PTPN14: variants seen among roughly 807,000 people sequenced by gnomAD.
PTPN14 encodes tyrosine-protein phosphatase non-receptor type 14.
In PTPN14, 53 loss-of-function variants were observed where a neutral mutation model predicts 126.8. The observed-to-expected ratio is 0.42, with a 90% confidence interval of 0.34 to 0.53. The LOEUF is 0.53. PTPN14 is among the 20% of genes least tolerant of loss of function. The pLI is 0.08. For synonymous variants in PTPN14, 630 were observed against 599.3 expected, an observed-to-expected ratio of 1.05 and a Z score of -0.75; for missense variants, 1,257 against 1,552.9, an observed-to-expected ratio of 0.81 and a Z score of 3.20.
At chr1:214,419,474 T>C (rs545254919) in intron 3 of PTPN14, among the ~76,000 whole-genome samples, 35 of 152,220 alleles carry the variant, frequency 2.3e-4, no homozygotes, top group Non-Finnish European at 3.8e-4. Context: ...GAAAGACAAA[T>C]TGTCCTGTCA....
At chr1:214,421,675 T>C (rs1357408706) in intron 3 of PTPN14, among the ~76,000 whole-genome samples, 1 of 152,068 alleles carries the variant, frequency 6.6e-6, no homozygotes, top group Non-Finnish European at 1.5e-5. Flanking sequence ...CTCTTCACGA[T>C]CCAGTCAAAA....
rs1355504973 is a variant in PTPN14 at position 214,495,822 on chromosome 1, G to A, written c.-154-30865C>T. ...CGATGCTCCTGCCTCAGCCTCCCGAGTAGCTGGGATTACAGGCACACGCCA... is the reference window on the plus strand; with the variant it reads ...CGATGCTCCTGCCTCAGCCTCCCGAATAGCTGGGATTACAGGCACACGCCA... On this transcript the variant is annotated intron_variant, in intron 1 of 18. Coordinates refer to ENST00000366956, the MANE Select transcript of PTPN14 (RefSeq NM_005401.5). Among the ~76,000 whole-genome samples the A allele has an allele frequency of 2.0e-5, 3 of 152,106 alleles. No individual in the cohort carries two copies. The East Asian group carries it at 5.8e-4, about 29-fold the overall frequency.
chr1:214,444,897 C>T (rs1052641990), intron 3 of PTPN14, among the ~76,000 whole-genome samples: 2 of 152,158 alleles, frequency 1.3e-5, no homozygotes, highest in African/African-American at 4.8e-5. Context: ...AACCTAACTC[C>T]CTTGTCACTC....
At chr1:214,444,746 C>T (rs974420197) in intron 3 of PTPN14, among the ~76,000 whole-genome samples, 1 of 152,178 alleles carries the variant, frequency 6.6e-6, no homozygotes, top group Non-Finnish European at 1.5e-5. Flanking sequence ...CAGAGAGACA[C>T]ACACATGCAC....
intron 3 of PTPN14, among the ~76,000 whole-genome samples, chr1:214,448,031 C>A (rs767261723): frequency 6.6e-6 from 1 of 152,198 alleles, no homozygotes; most frequent in African/African-American, 2.4e-5. Context: ...ACCACCACTA[C>A]CAAAACTTTT....
intron 2 of PTPN14, among the ~76,000 whole-genome samples, chr1:214,454,847 C>T (rs902291091): frequency 1.3e-5 from 2 of 152,112 alleles, no homozygotes; most frequent in African/African-American, 4.8e-5. Context: ...CAGTGCAGGG[C>T]AGAATTGGGG....
chr1:214,463,138 T>G (rs1031739779), intron 2 of PTPN14, among the ~76,000 whole-genome samples: 4 of 152,226 alleles, frequency 2.6e-5, no homozygotes, highest in African/African-American at 9.6e-5. Flanking sequence ...TGTCCCCCGA[T>G]GCATATGAGG....
intron 3 of PTPN14, among the ~76,000 whole-genome samples, chr1:214,426,002 T>C (rs535058640): frequency 5.8e-5 from 7 of 120,832 alleles, no homozygotes; most frequent in Non-Finnish European, 1.1e-4. Flanking sequence ...TAGGTTAGTC[T>C]ATAGTTTCTA....
chr1:214,429,100 T>G (rs1339921095), intron 3 of PTPN14, among the ~76,000 whole-genome samples: 1 of 152,180 alleles, frequency 6.6e-6, no homozygotes. Flanking sequence ...GTTAGCCCGT[T>G]CCGTATAATT....
At chr1:214,427,807 C>G (rs1659701967) in intron 3 of PTPN14, among the ~76,000 whole-genome samples, 1 of 152,022 alleles carries the variant, frequency 6.6e-6, no homozygotes, top group African/African-American at 2.4e-5. Flanking sequence ...GAGGAGCTAG[C>G]CATGTGGATA....
intron 2 of PTPN14, among the ~76,000 whole-genome samples, chr1:214,452,266 C>T (rs541511757): frequency 3.3e-4 from 50 of 152,322 alleles, no homozygotes; most frequent in Non-Finnish European, 1.0e-4. Context: ...AGGGATAGTG[C>T]TGACTTTTCC....
At chr1:214,484,603 A>C (rs998791487) in intron 1 of PTPN14, among the ~76,000 whole-genome samples, 2 of 152,208 alleles carry the variant, frequency 1.3e-5, no homozygotes, top group Admixed American at 6.5e-5. Flanking sequence ...CCCCCAACAC[A>C]ACATATAAAT....
intron 13 of PTPN14, among the ~76,000 whole-genome samples, chr1:214,380,550 T>C (rs1301856110): frequency 6.6e-6 from 1 of 152,182 alleles, no homozygotes; most frequent in East Asian, 1.9e-4. Context: ...TGAGAAGCTA[T>C]AAAAGCGGCG....
intron 1 of PTPN14, among the ~76,000 whole-genome samples, chr1:214,550,434 G>A (rs571803904): frequency 6.6e-5 from 10 of 152,324 alleles, no homozygotes; most frequent in Non-Finnish European, 1.3e-4. Context: ...CCAAGGAAGT[G>A]AGAGGGAAAG....
Position 214,525,580 on chromosome 1 carries a change from T to C in PTPN14, c.-155+25603A>G, listed in dbSNP as rs2102462547. Among the ~76,000 whole-genome samples the C allele has an allele frequency of 2.0e-5, 3 of 152,284 alleles. No individual in the cohort carries two copies. The South Asian group carries it at 6.2e-4, about 32-fold the overall frequency. On this transcript the variant is annotated intron_variant, in intron 1 of 18. Coordinates refer to ENST00000366956, the MANE Select transcript of PTPN14 (RefSeq NM_005401.5). ...TTCTGAAGAGTAAACAGCACAGAAG[T>C]TTCCTCTTTCACTCTGACCGCAAAT...
intron 5 of PTPN14, among the ~76,000 whole-genome samples, chr1:214,408,369 AT>A (rs2102575565): frequency 6.6e-6 from 1 of 152,244 alleles, no homozygotes; most frequent in African/African-American, 2.4e-5. Context: ...GGCTTTCAAA[AT>A]TTTTTAATCC....
At chr1:214,436,308 C>T (rs370145821) in intron 3 of PTPN14, among the ~76,000 whole-genome samples, 6 of 152,046 alleles carry the variant, frequency 3.9e-5, no homozygotes, top group South Asian at 4.2e-4. Flanking sequence ...GCTTATTGCC[C>T]GGGTGATGAA....
chr1:214,533,312 C>T (rs1655602491), intron 1 of PTPN14: 2 of 556,966 alleles, frequency 3.6e-6, no homozygotes, highest in Non-Finnish European at 3.3e-6. Flanking sequence ...AGGGTCACCA[C>T]CTACCGCTGC....
chr1:214,431,247 C>A (rs1228919965), intron 3 of PTPN14, among the ~76,000 whole-genome samples: 1 of 152,124 alleles, frequency 6.6e-6, no homozygotes, highest in Middle Eastern at 3.4e-3. Context: ...GTATTTTTGA[C>A]AAAGGAAGGA....
Sources: gnomAD v4.1 joint callset for allele counts (sites outside exome capture counted in the v4.1 genomes callset) on GRCh38, gnomAD v4.1.1 for gene constraint, MANE v1.5 for transcripts, NCBI Gene and HGNC (gene_info 2026-07-23, HGNC 2026-07-21) for gene names.